ITPR2: variants seen among roughly 807,000 people sequenced by gnomAD.
The protein encoded by ITPR2 is inositol 1,4,5-trisphosphate receptor type 2.
ITPR2 carries 207 observed loss-of-function variants against 317.1 expected under a neutral mutation model. That is an observed-to-expected ratio of 0.65 (90% CI 0.58 to 0.73). The LOEUF is 0.73. Ranked by LOEUF, ITPR2 falls within the 30% of genes least tolerant of loss-of-function variation. The pLI, the probability that ITPR2 is intolerant of heterozygous loss-of-function variation, is 0.00. For synonymous variants in ITPR2, 1,156 were observed against 1,149.1 expected (o/e 1.01, Z -0.12); for missense variants, 2,613 against 3,284.0 (o/e 0.80, Z 4.99).
intron 36 of ITPR2, among the ~76,000 whole-genome samples, chr12:26,553,793 A>T (rs1325580107): frequency 2.0e-5 from 3 of 152,164 alleles, no homozygotes; most frequent in African/African-American, 7.2e-5. Flanking sequence ...TCAAAAAAAA[A>T]GACCCCTGGC....
chr12:26,469,667 G>A (rs1942253280), intron 45 of ITPR2, among the ~76,000 whole-genome samples: 1 of 151,884 alleles, frequency 6.6e-6, no homozygotes, highest in Non-Finnish European at 1.5e-5. Context: ...CTGATCTGTT[G>A]CGGATCTTCT....
At chr12:26,744,808 A>G (rs1592090293) in intron 2 of ITPR2, among the ~76,000 whole-genome samples, 1 of 152,194 alleles carries the variant, frequency 6.6e-6, no homozygotes, top group South Asian at 2.1e-4. Context: ...ACAAAAACCC[A>G]TAAAGCAAAA....
intron 23 of ITPR2, among the ~76,000 whole-genome samples, chr12:26,625,707 A>C (rs1374757537): frequency 6.6e-6 from 1 of 152,234 alleles, no homozygotes; most frequent in Non-Finnish European, 1.5e-5. Context: ...ACATACTTAC[A>C]TATAATTTAA....
At chr12:26,583,838 T>C (rs1379015242) in intron 32 of ITPR2, among the ~76,000 whole-genome samples, 8 of 152,278 alleles carry the variant, frequency 5.3e-5, no homozygotes, top group African/African-American at 1.9e-4. Context: ...CAATCTGTAA[T>C]ATGTTTCACA....
intron 26 of ITPR2, among the ~76,000 whole-genome samples, chr12:26,619,516 AG>A (rs1162925671): frequency 6.6e-6 from 1 of 152,162 alleles, no homozygotes; most frequent in African/African-American, 2.4e-5. Flanking sequence ...TTCTGGCCAA[AG>A]AGACATGAAA....
Position 26,495,853 on chromosome 12 carries a change from C to A in ITPR2, c.5074-593G>T, listed in dbSNP as rs547014378. 9.2e-5 allele frequency among the ~76,000 whole-genome samples: 14 copies of A among 152,206 alleles called. No individual in the cohort carries two copies. In the South Asian group the frequency reaches 2.7e-3, roughly 29 times the overall value. On this transcript the variant is annotated intron_variant, in intron 37 of 56. Transcript: ENST00000381340. ...GCCAGAAAAAGAGTGGGGAACAGAG[C>A]AGGTACTCAAAAAATTAACCTTGAT...
At chr12:26,533,878 T>C (rs917656394) in intron 37 of ITPR2, among the ~76,000 whole-genome samples, 1 of 152,200 alleles carries the variant, frequency 6.6e-6, no homozygotes, top group African/African-American at 2.4e-5. Flanking sequence ...GACTTTGTGA[T>C]GGCAGCCCTA....
intron 49 of ITPR2, among the ~76,000 whole-genome samples, chr12:26,425,485 G>A (rs1285778704): frequency 6.6e-6 from 1 of 151,894 alleles, no homozygotes; most frequent in Non-Finnish European, 1.5e-5. Flanking sequence ...TGGCTAACAT[G>A]GTGAAACCTC....
chr12:26,820,615 T>C (rs952983779), intron 1 of ITPR2, among the ~76,000 whole-genome samples: 3 of 152,310 alleles, frequency 2.0e-5, no homozygotes, highest in East Asian at 3.9e-4. Context: ...AGAAATTCCA[T>C]TGCTAAGTAT....
chr12:26,639,469 TC>T (rs1021369828), intron 21 of ITPR2, among the ~76,000 whole-genome samples: 22 of 152,186 alleles, frequency 1.4e-4, no homozygotes, highest in African/African-American at 5.1e-4. Flanking sequence ...ATGCCAGCAT[TC>T]TTTTTTTTTT....
intron 55 of ITPR2, among the ~76,000 whole-genome samples, chr12:26,369,770 G>T (rs1011585338): frequency 6.6e-6 from 1 of 152,206 alleles, no homozygotes; most frequent in African/African-American, 2.4e-5. Flanking sequence ...CTCAGCAGGA[G>T]AGAGGCTGGT....
intron 55 of ITPR2, chr12:26,373,628 T>C (rs993012644): frequency 2.6e-5 from 4 of 152,192 alleles, no homozygotes; most frequent in Admixed American, 1.3e-4. Flanking sequence ...AGAAGGAAAC[T>C]TGGAGGGCCG....
intron 29 of ITPR2, 120 bp downstream of exon 29, chr12:26,599,867 A>C: frequency 1.3e-6 from 1 of 741,252 alleles, no homozygotes; most frequent in Non-Finnish European, 2.2e-6. Context: ...TGGAGAGAGA[A>C]TTTCCACAAG....
intron 2 of ITPR2, among the ~76,000 whole-genome samples, chr12:26,760,387 A>G (rs1185624435): frequency 2.0e-5 from 3 of 152,256 alleles, no homozygotes; most frequent in Admixed American, 6.5e-5. Flanking sequence ...AGATGTCTAC[A>G]TCACCATCAT....
At chr12:26,487,356 G>A in intron 39 of ITPR2, 105 bp from the exon 40 acceptor site, 10 of 714,774 alleles carry the variant, frequency 1.4e-5, no homozygotes, top group South Asian at 4.1e-5. Flanking sequence ...CACACTTAAT[G>A]CACCACCCAT....
chr12:26,784,398 C>T lies in ITPR2; in HGVS notation c.163+5759G>A, dbSNP rs1391027122. ...TCCTTCCACGGTCTCCCTCTGATGC[C>T]GAGCCAAGGCTGGACGGTGCTGCTG... On this transcript the variant is annotated intron_variant, in intron 2 of 56. Transcript: ENST00000381340. Among the ~76,000 whole-genome samples the T allele has an allele frequency of 2.1e-4, 31 of 148,116 alleles. 2 individuals are homozygous for T. The highest frequency in any genetic ancestry group is 3.4e-3 in the Middle Eastern group (1 of 290).
intron 52 of ITPR2, among the ~76,000 whole-genome samples, chr12:26,409,373 T>C (rs1430510207): frequency 6.6e-6 from 1 of 152,248 alleles, no homozygotes. Context: ...GGCGGAATGA[T>C]GTTAACAGTT....
intron 32 of ITPR2, among the ~76,000 whole-genome samples, chr12:26,584,805 C>A (rs992477880): frequency 2.0e-5 from 3 of 152,154 alleles, no homozygotes; most frequent in South Asian, 2.1e-4. Context: ...ACCTCTAGAG[C>A]CAGTCACATA....
At chr12:26,531,654 TACACACACACAC>T (rs144906868) in intron 37 of ITPR2, among the ~76,000 whole-genome samples, 2 of 138,788 alleles carry the variant, frequency 1.4e-5, no homozygotes, top group East Asian at 2.0e-4. Flanking sequence ...TTACTGTATT[TACACACACACAC>T]ACACACACAC....
Sources: gnomAD v4.1 joint callset for allele counts (sites outside exome capture counted in the v4.1 genomes callset) on GRCh38, gnomAD v4.1.1 for gene constraint, MANE v1.5 for transcripts, NCBI Gene and HGNC (gene_info 2026-07-23, HGNC 2026-07-21) for gene names.